The following CIMIP6 variants were observed in gnomAD, a reference collection of about 807,000 sequenced individuals.
CIMIP6 encodes uncharacterized protein C2orf73.
chr2:54,361,565 T>C, the CIMIP6 span: 2 of 152,188 alleles, frequency 1.3e-5, no homozygotes, highest in African/African-American at 4.8e-5. Context: ...TTAAAGAAAT[T>C]GTGATAAACT....
At chr2:54,334,146 T>C in the CIMIP6 span, among the ~76,000 whole-genome samples, 1 of 152,204 alleles carries the variant, frequency 6.6e-6, no homozygotes, top group Non-Finnish European at 1.5e-5. Flanking sequence ...AAATACTGCC[T>C]TTTATAATTT....
the CIMIP6 span, among the ~76,000 whole-genome samples, chr2:54,359,266 G>A: frequency 6.6e-6 from 1 of 152,114 alleles, no homozygotes; most frequent in Non-Finnish European, 1.5e-5. Flanking sequence ...GGTGCCACCT[G>A]TAGTCCCAGC....
chr2:54,345,297 G>T, the CIMIP6 span, among the ~76,000 whole-genome samples: 1 of 152,142 alleles, frequency 6.6e-6, no homozygotes, highest in South Asian at 2.1e-4. Flanking sequence ...AATGGGACAA[G>T]GCAAAGGAGT....
At chr2:54,348,512 ATTAG>A in the CIMIP6 span, among the ~76,000 whole-genome samples, 2 of 152,302 alleles carry the variant, frequency 1.3e-5, no homozygotes, top group South Asian at 2.1e-4. Flanking sequence ...ATAAATATTT[ATTAG>A]TTAAATGATA....
chr2:54,379,459 T>C, the CIMIP6 span, among the ~76,000 whole-genome samples: 2 of 152,238 alleles, frequency 1.3e-5, no homozygotes, highest in East Asian at 3.8e-4. Context: ...TTGCAGGCTT[T>C]TGAATCAGAT....
At chr2:54,343,821 A>G in the CIMIP6 span, 2,862 of 1,612,536 alleles carry the variant, frequency 1.8e-3, 49 homozygotes, top group African/African-American at 0.034. Flanking sequence ...CATCGTGTCC[A>G]CTGGTTTTGC....
the CIMIP6 span, among the ~76,000 whole-genome samples, chr2:54,377,290 A>G: frequency 6.6e-6 from 1 of 152,110 alleles, no homozygotes; most frequent in African/African-American, 2.4e-5. Context: ...ACTTAACTGA[A>G]TATCAATTGG....
chr2:54,342,704 A>T, the CIMIP6 span, among the ~76,000 whole-genome samples: 1 of 151,612 alleles, frequency 6.6e-6, no homozygotes, highest in African/African-American at 2.4e-5. Flanking sequence ...TTGCATATTT[A>T]TCCCCCTTGA....
the CIMIP6 span, among the ~76,000 whole-genome samples, chr2:54,349,953 G>A: frequency 2.0e-5 from 3 of 151,730 alleles, no homozygotes; most frequent in Non-Finnish European, 4.4e-5. Flanking sequence ...GGGCTCAAGA[G>A]ATTCTCCTGC....
chr2:54,358,971 C>T, the CIMIP6 span: 9 of 1,537,736 alleles, frequency 5.9e-6, no homozygotes, highest in South Asian at 1.3e-5. Context: ...CCACTTGCCT[C>T]TCCTGGTACA....
the CIMIP6 span, among the ~76,000 whole-genome samples, chr2:54,331,371 G>T: frequency 6.6e-6 from 1 of 152,138 alleles, no homozygotes; most frequent in South Asian, 2.1e-4. Context: ...CCGGGATGCT[G>T]CAACAGCCCT....
chr2:54,358,555 C>A, the CIMIP6 span, among the ~76,000 whole-genome samples: 3 of 151,994 alleles, frequency 2.0e-5, no homozygotes, highest in African/African-American at 7.3e-5. Flanking sequence ...GCACATGCCA[C>A]CACGCCTGGC....
the CIMIP6 span, chr2:54,360,392 T>A: frequency 6.2e-7 from 1 of 1,608,260 alleles, no homozygotes; most frequent in Non-Finnish European, 8.5e-7. Context: ...TCAGGAGCTG[T>A]TAGAGCCTAA....
chr2:54,366,337 G>T, the CIMIP6 span, among the ~76,000 whole-genome samples: 1 of 152,170 alleles, frequency 6.6e-6, no homozygotes, highest in Non-Finnish European at 1.5e-5. Context: ...GGATCCTTGA[G>T]CCCCTGACAT....
the CIMIP6 span, among the ~76,000 whole-genome samples, chr2:54,333,204 AAAC>A: frequency 6.6e-6 from 1 of 152,264 alleles, no homozygotes; most frequent in South Asian, 2.1e-4. Flanking sequence ...TGCTTACTAA[AAAC>A]AAGTAAACAA....
chr2:54,382,715 A>G, the CIMIP6 span, among the ~76,000 whole-genome samples: 1 of 152,218 alleles, frequency 6.6e-6, no homozygotes, highest in African/African-American at 2.4e-5. Context: ...CTGTGCTCAC[A>G]AATAAACCAC....
the CIMIP6 span, among the ~76,000 whole-genome samples, chr2:54,364,713 A>T: frequency 6.6e-6 from 1 of 152,202 alleles, no homozygotes; most frequent in Admixed American, 6.5e-5. Context: ...AAGACAAATA[A>T]CTTCAATTCT....
chr2:54,353,215 G>T, the CIMIP6 span, among the ~76,000 whole-genome samples: 1 of 152,108 alleles, frequency 6.6e-6, no homozygotes, highest in South Asian at 2.1e-4. Context: ...CCAGTTTGGG[G>T]CAGCTTATTT....
At chr2:54,338,204 C>CCT in the CIMIP6 span, among the ~76,000 whole-genome samples, 1 of 152,016 alleles carries the variant, frequency 6.6e-6, no homozygotes, top group Non-Finnish European at 1.5e-5. Context: ...AAGGCCAAGG[C>CCT]AGGAGGGTAA....
Sources: allele counts gnomAD v4.1 joint callset (sites outside exome capture counted in the v4.1 genomes callset), GRCh38; gene constraint gnomAD v4.1.1; transcripts MANE v1.5; gene names NCBI Gene and HGNC (gene_info 2026-07-23, HGNC 2026-07-21).